VEGFD: variants seen among roughly 807,000 people sequenced by gnomAD.
The protein encoded by VEGFD is c-fos induced growth factor (vascular endothelial growth factor D).
Under a neutral mutation model 28.0 loss-of-function variants are expected in VEGFD, and 26 were observed. The observed-to-expected ratio is 0.93, with a 90% CI of 0.68 to 1.29. The LOEUF is 1.29. Ranked by LOEUF, VEGFD falls within the 50% of genes most tolerant of loss-of-function variation. The probability of loss-of-function intolerance (pLI) is 0.00; values close to 1 mark genes in which losing one functional copy is unlikely to be tolerated. For missense variants in VEGFD, 294 were observed against 273.4 expected, an observed-to-expected ratio of 1.08 and a Z score of -0.53; for synonymous variants, 93 against 95.5, an observed-to-expected ratio of 0.97 and a Z score of 0.15.
At chrX:15,359,362 C>CTTTTTTTTTTT (rs1171408211) in intron 2 of VEGFD, among the ~76,000 whole-genome samples, 3 of 62,892 alleles carry the variant, frequency 4.8e-5, no homozygotes, top group Non-Finnish European at 8.6e-5. Flanking sequence ...CACTTGCAGG[C>CTTTTTTTTTTT]TTTTTTTTTT....
At chrX:15,366,308 C>A (rs900237700) in intron 1 of VEGFD, among the ~76,000 whole-genome samples, 7 of 112,201 alleles carry the variant, frequency 6.2e-5, no homozygotes, top group Non-Finnish European at 1.1e-4. Context: ...CTGCGCCCTG[C>A]CCCTAGTTTG....
intron 4 of VEGFD, 97 bp downstream of exon 4, chrX:15,355,053 T>C: frequency 2.7e-6 from 2 of 751,191 alleles, no homozygotes; most frequent in East Asian, 3.7e-5. Context: ...TGAAGATAAA[T>C]TGATAACTCT....
chrX:15,383,452 C>A lies in VEGFD; in HGVS notation c.90+405G>T, dbSNP rs192512326. ...GCACTGCAATTTTCAATTTACCAAACGAATAAACTAACCTCTGCTGCTCAC... is the reference window on the plus strand; with the variant it reads ...GCACTGCAATTTTCAATTTACCAAAAGAATAAACTAACCTCTGCTGCTCAC... On this transcript the variant is annotated intron_variant, in intron 1 of 6. Transcript: ENST00000297904. Among the ~76,000 whole-genome samples, 262 of 112,316 alleles carry A rather than the reference C, an allele frequency of 2.3e-3. 2 individuals carry two copies. Among genetic ancestry groups the A allele is most frequent in the Non-Finnish European group, 3.3e-3 (174 of 53,235 alleles).
At chrX:15,349,164 G>C (rs1922625155) in intron 5 of VEGFD, among the ~76,000 whole-genome samples, 1 of 112,575 alleles carries the variant, frequency 8.9e-6, no homozygotes, top group South Asian at 3.6e-4. Flanking sequence ...TTTGGGGTAA[G>C]ACAAGAGTAA....
chrX:15,347,306 C>A lies in VEGFD; in HGVS notation c.796G>T (p.Glu266Ter). The change falls in exon 6 of 7, where the codon GAA becomes TAA. Residue 266 changes from glutamate to a stop codon, truncating the protein, a stop_gained. Transcript: ENST00000297904. LOFTEE classifies it high-confidence loss of function. The stretch of plus-strand genomic sequence containing the variant: ...TTACAGACACACTCGCAACGATCTT[C>A]GTCAAACATCATGTGTGGCCCACAG... ...ALCGPHMMFD[E>*]DRCECVCKTP... is the part of the protein sequence containing the mutation. 8.3e-7 allele frequency: 1 copy of A among 1,210,999 alleles called. No homozygotes were observed. Among genetic ancestry groups the A allele is most frequent in the Non-Finnish European group, 1.1e-6 (1 of 895,121 alleles).
intron 3 of VEGFD, among the ~76,000 whole-genome samples, chrX:15,357,357 T>C (rs1922892770): frequency 9.0e-6 from 1 of 111,314 alleles, no homozygotes; most frequent in African/African-American, 3.3e-5. Flanking sequence ...CTCCATGGGC[T>C]ACATCTATAA....
At chrX:15,355,349 T>C in intron 3 of VEGFD, 51 bp from the exon 4 acceptor site, 1 of 1,009,030 alleles carries the variant, frequency 9.9e-7, no homozygotes. Flanking sequence ...TTATATATCA[T>C]TTTTAAAGTT....
At chrX:15,363,676 A>C (rs1476955419) in intron 1 of VEGFD, among the ~76,000 whole-genome samples, 4 of 112,508 alleles carry the variant, frequency 3.6e-5, no homozygotes, top group Non-Finnish European at 7.5e-5. Flanking sequence ...AATGAAGTTA[A>C]GGATCTTAAA....
chrX:15,355,445 C>A, intron 3 of VEGFD, 147 bp from the exon 4 acceptor site: 1 of 407,906 alleles, frequency 2.5e-6, no homozygotes, highest in Admixed American at 5.3e-5. Flanking sequence ...ACAGGCTCAT[C>A]TAACTTTATG....
Position 15,352,026 on chromosome X carries a change from T to A in VEGFD, c.742+1042A>T, listed in dbSNP as rs1188068027. 2.7e-5 allele frequency among the ~76,000 whole-genome samples: 3 copies of A among 112,073 alleles called. No individual in the cohort carries two copies. In the East Asian group the frequency reaches 8.4e-4, roughly 31 times the overall value. On this transcript the variant is annotated intron_variant, in intron 5 of 6. Coordinates refer to ENST00000297904, the MANE Select transcript of VEGFD (RefSeq NM_004469.5). ...ATGGCGAGTCTCCAAATAACTGATG[T>A]ATGTTCTGGTAGAGGATGGCTGAAC... is the stretch of plus-strand genomic sequence containing the variant.
chrX:15,356,273 C>T lies in VEGFD; in HGVS notation c.493-975G>A, dbSNP rs192449751. Among the ~76,000 whole-genome samples, 8 of 111,885 alleles carry T rather than the reference C, an allele frequency of 7.2e-5. No homozygotes were observed. The East Asian group carries it at 2.0e-3, about 27-fold the overall frequency. On this transcript the variant is annotated intron_variant, in intron 3 of 6. Coordinates refer to ENST00000297904, the MANE Select transcript of VEGFD (RefSeq NM_004469.5). ...TTTGAAGTTGATTTTAATGCATTGT[C>T]TATTCAATCACCATTCCATGTAGTC... is the stretch of plus-strand genomic sequence containing the variant.
At chrX:15,356,455 A>C (rs758584141) in intron 3 of VEGFD, among the ~76,000 whole-genome samples, 1 of 112,558 alleles carries the variant, frequency 8.9e-6, no homozygotes, top group East Asian at 2.8e-4. Flanking sequence ...CTTACACTTA[A>C]GTACATTGTA....
chrX:15,368,061 G>GAAA (rs781503408), intron 1 of VEGFD, among the ~76,000 whole-genome samples: 1 of 73,683 alleles, frequency 1.4e-5, no homozygotes. Context: ...AAGAAAGAAA[G>GAAA]GAAAGAAAGA....
intron 2 of VEGFD, among the ~76,000 whole-genome samples, chrX:15,360,777 A>G (rs1261043185): frequency 1.8e-5 from 2 of 112,714 alleles, no homozygotes; most frequent in African/African-American, 6.4e-5. Context: ...TGAATCCTTG[A>G]AAAAACAAGA....
chrX:15,382,699 G>T (rs748016983), intron 1 of VEGFD, among the ~76,000 whole-genome samples: 1 of 111,244 alleles, frequency 9.0e-6, no homozygotes, highest in African/African-American at 3.3e-5. Flanking sequence ...GTAAAATGGA[G>T]CCAAACACTG....
At chrX:15,378,493 C>A (rs1288699622) in intron 1 of VEGFD, among the ~76,000 whole-genome samples, 1 of 111,429 alleles carries the variant, frequency 9.0e-6, no homozygotes, top group East Asian at 2.8e-4. Context: ...TTTTTAGTAT[C>A]TACTCTATTA....
intron 1 of VEGFD, among the ~76,000 whole-genome samples, chrX:15,368,614 C>T (rs1199623991): frequency 8.9e-6 from 1 of 112,081 alleles, no homozygotes; most frequent in Non-Finnish European, 1.9e-5. Context: ...TTATGTTATC[C>T]ACTTGGGTAA....
chrX:15,347,801 G>A lies in VEGFD; in HGVS notation c.743-442C>T, dbSNP rs376692554. 4.7e-4 allele frequency among the ~76,000 whole-genome samples: 52 copies of A among 111,569 alleles called. No individual in the cohort carries two copies. In the South Asian group the frequency reaches 8.9e-3, roughly 19 times the overall value. ...ACACCTCAGACATTCCAGGCCAGGC[G>A]TAGCAATAGCAATGCATGTCCTCAC... On this transcript the variant is annotated intron_variant, in intron 5 of 6. Transcript: ENST00000297904.
intron 1 of VEGFD, among the ~76,000 whole-genome samples, chrX:15,382,977 C>G (rs139062429): frequency 0.025 from 2,839 of 111,404 alleles, 78 homozygotes; most frequent in African/African-American, 0.082. Flanking sequence ...TTTTTCATCC[C>G]TCCACGAACC....
Sources: allele counts gnomAD v4.1 joint callset (sites outside exome capture counted in the v4.1 genomes callset), GRCh38; gene constraint gnomAD v4.1.1; transcripts MANE v1.5; gene names NCBI Gene and HGNC (gene_info 2026-07-23, HGNC 2026-07-21).